CUX1: variants seen among roughly 807,000 people sequenced by gnomAD.
CUX1 encodes protein CASP.
In CUX1, 31 loss-of-function variants were observed where a neutral mutation model predicts 158.8. That is an observed-to-expected ratio of 0.20 (90% CI 0.15 to 0.26). The LOEUF (loss-of-function observed/expected upper bound fraction) is 0.26, where lower values mean the gene tolerates loss of function less well. Ranked by LOEUF, CUX1 falls within the 10% of genes least tolerant of loss-of-function variation. The pLI is 1.00. For synonymous variants in CUX1, 879 were observed against 862.1 expected, an observed-to-expected ratio of 1.02 and a Z score of -0.34; for missense variants, 1,589 against 2,014.6, an observed-to-expected ratio of 0.79 and a Z score of 4.04.
chr7:101,919,130 G>A (rs1584980311), intron 2 of CUX1, among the ~76,000 whole-genome samples: 1 of 152,188 alleles, frequency 6.6e-6, no homozygotes, highest in African/African-American at 2.4e-5. Context: ...GGTGGGAGTC[G>A]GGGGCTGTGG....
intron 5 of CUX1, 52 bp downstream of exon 5, chr7:102,097,553 C>A (rs1554484751): frequency 6.6e-7 from 1 of 1,522,570 alleles, no homozygotes; most frequent in East Asian, 2.3e-5. Context: ...TTTTTCTCTT[C>A]TTTTTATTTT....
At position 102,207,501 on chromosome 7, in the gene CUX1, A is replaced by G. The variant is rs559860493; in HGVS notation, c.3130+2331A>G. ...AGTCTCGCTGTGTCACCCAGGCTGG[A>G]GTGCAGTGGCACAATCTCAGCTCAC... On this transcript the variant is annotated intron_variant, in intron 20 of 23. Coordinates refer to ENST00000292535, the MANE Select transcript of CUX1 (RefSeq NM_181552.4). Among the ~76,000 whole-genome samples the G allele has an allele frequency of 3.8e-3, 583 of 152,046 alleles. 3 individuals are homozygous for G. Among genetic ancestry groups the G allele is most frequent in the Non-Finnish European group, 5.5e-3 (371 of 67,968 alleles).
At chr7:102,135,571 T>TTGTGTG (rs111724094) in intron 8 of CUX1, among the ~76,000 whole-genome samples, 20 of 149,350 alleles carry the variant, frequency 1.3e-4, no homozygotes, top group African/African-American at 4.2e-4. Context: ...GTGTGTGTGT[T>TTGTGTG]TGTGTGTGTG....
intron 6 of CUX1, among the ~76,000 whole-genome samples, chr7:102,107,582 C>G (rs942625757): frequency 6.6e-6 from 1 of 152,146 alleles, no homozygotes; most frequent in Non-Finnish European, 1.5e-5. Flanking sequence ...CTGCCAGCTC[C>G]CGCCCACCCG....
chr7:102,008,549 A>G (rs193062775), intron 2 of CUX1, among the ~76,000 whole-genome samples: 110 of 152,186 alleles, frequency 7.2e-4, no homozygotes, highest in African/African-American at 2.5e-3. Flanking sequence ...CCTGAGGTGC[A>G]GAGTGCGTGT....
chr7:102,012,167 T>C (rs1371844897), intron 2 of CUX1, among the ~76,000 whole-genome samples: 1 of 152,132 alleles, frequency 6.6e-6, no homozygotes, highest in Non-Finnish European at 1.5e-5. Flanking sequence ...TTTGCTTTTT[T>C]AAAAAAATGT....
chr7:102,139,204 T>G (rs1834192081), intron 8 of CUX1, among the ~76,000 whole-genome samples: 1 of 143,360 alleles, frequency 7.0e-6, no homozygotes, highest in Non-Finnish European at 1.5e-5. Flanking sequence ...GAGATCGTGC[T>G]GCTGCACTCC....
Position 102,250,243 on chromosome 7 carries a change from G to T in CUX1, c.*1201G>T. ...TCTCAATCTGTCTGTGCGTCTGCACGTGTGCAAGCATTGAAAGAAAGGAGA... is the reference window on the plus strand; with the variant it reads ...TCTCAATCTGTCTGTGCGTCTGCACTTGTGCAAGCATTGAAAGAAAGGAGA... On this transcript the variant is annotated 3_prime_UTR_variant, in exon 24 of 24. Coordinates refer to ENST00000292535, the MANE Select transcript of CUX1 (RefSeq NM_181552.4). 1 of 985,392 alleles carries T rather than the reference G, an allele frequency of 1.0e-6. No individual in the cohort carries two copies. Among genetic ancestry groups the T allele is most frequent in the African/African-American group, 1.7e-5 (1 of 57,332 alleles). 61.0% of individuals were successfully genotyped at this position (985,392 alleles called of 1,614,324 possible). A position where few individuals can be genotyped will look rare whatever the true frequency, so the allele number is the denominator to read the frequency against.
chr7:101,887,083 C>T lies in CUX1; in HGVS notation c.31-29032C>T, dbSNP rs569670059. On this transcript the variant is annotated intron_variant, in intron 1 of 23. Transcript: ENST00000292535. ...ATGTTCTGACGAAGGAGGTCAGTGCCGGACACTGCTGGGCGTTGTTGAGTC... is the reference window on the plus strand; with the variant it reads ...ATGTTCTGACGAAGGAGGTCAGTGCTGGACACTGCTGGGCGTTGTTGAGTC... Among the ~76,000 whole-genome samples, 3 of 152,236 alleles carry T rather than the reference C, an allele frequency of 2.0e-5. No individual in the cohort carries two copies. The East Asian group carries it at 5.8e-4, about 29-fold the overall frequency.
intron 2 of CUX1, among the ~76,000 whole-genome samples, chr7:101,940,559 A>G (rs1321933097): frequency 2.0e-5 from 3 of 152,098 alleles, no homozygotes; most frequent in Non-Finnish European, 4.4e-5. Flanking sequence ...ATGTTGATAT[A>G]TATGTGTATA....
intron 4 of CUX1, among the ~76,000 whole-genome samples, chr7:102,082,207 T>A (rs1554479011): frequency 6.8e-6 from 1 of 146,790 alleles, no homozygotes; most frequent in Non-Finnish European, 1.5e-5. Context: ...CAAACTACTT[T>A]TGCTTATGCA....
At chr7:102,233,075 G>A (rs1799165556) in intron 21 of CUX1, among the ~76,000 whole-genome samples, 1 of 152,028 alleles carries the variant, frequency 6.6e-6, no homozygotes, top group Admixed American at 6.6e-5. Context: ...TCTCCTGTTT[G>A]CTGTTTGGCC....
At chr7:101,971,276 A>G (rs973912461) in intron 2 of CUX1, among the ~76,000 whole-genome samples, 7 of 152,158 alleles carry the variant, frequency 4.6e-5, no homozygotes, top group African/African-American at 1.4e-4. Context: ...ATGATTTCCA[A>G]TGGCTTGCAA....
At chr7:102,114,214 C>A (rs1831219763) in intron 7 of CUX1, among the ~76,000 whole-genome samples, 1 of 152,236 alleles carries the variant, frequency 6.6e-6, no homozygotes, top group Non-Finnish European at 1.5e-5. Flanking sequence ...TATATACACA[C>A]ACATATATAC....
chr7:102,212,287 A>G (rs782626519), intron 20 of CUX1, among the ~76,000 whole-genome samples: 7 of 152,180 alleles, frequency 4.6e-5, no homozygotes, highest in Non-Finnish European at 1.0e-4. Flanking sequence ...TTTGTTTCAA[A>G]GCAACAAACG....
intron 8 of CUX1, among the ~76,000 whole-genome samples, chr7:102,148,836 A>G (rs1433042837): frequency 1.3e-5 from 2 of 148,508 alleles, no homozygotes; most frequent in Non-Finnish European, 3.0e-5. Context: ...TTTTTCCCTC[A>G]CCCCCCTCCC....
At chr7:102,009,359 C>T (rs898412312) in intron 2 of CUX1, among the ~76,000 whole-genome samples, 8 of 152,154 alleles carry the variant, frequency 5.3e-5, no homozygotes, top group South Asian at 2.1e-4. Context: ...TCACCTAGGC[C>T]GCACAGCACC....
intron 1 of CUX1, among the ~76,000 whole-genome samples, chr7:101,820,343 A>G (rs1194140123): frequency 6.6e-6 from 1 of 152,224 alleles, no homozygotes; most frequent in Admixed American, 6.5e-5. Context: ...CTACAGAGGT[A>G]GGTTAAATTC....
downstream of CUX1, among the ~76,000 whole-genome samples, chr7:102,262,668 G>A (rs1004485894): frequency 1.3e-5 from 2 of 152,152 alleles, no homozygotes; most frequent in Non-Finnish European, 2.9e-5. Flanking sequence ...TGATGGGGTG[G>A]GACTGAGCCG....
Sources: gnomAD v4.1 joint callset for allele counts (sites outside exome capture counted in the v4.1 genomes callset) on GRCh38, gnomAD v4.1.1 for gene constraint, MANE v1.5 for transcripts, NCBI Gene and HGNC (gene_info 2026-07-23, HGNC 2026-07-21) for gene names.